Variants in LHFPL2 observed in about 807,000 individuals in gnomAD.
The protein encoded by LHFPL2 is LHFPL tetraspan subfamily member 2, also known as LHFPL tetraspan subfamily member 2 protein.
LHFPL2 carries 7 observed loss-of-function variants against 17.5 expected under a neutral mutation model. The observed-to-expected ratio is 0.40, with a 90% CI of 0.23 to 0.75. The LOEUF (loss-of-function observed/expected upper bound fraction) is 0.75. LHFPL2 is among the 30% of genes least tolerant of loss of function. LHFPL2 has a pLI of 0.37. For missense variants in LHFPL2, 241 were observed against 294.8 expected (o/e 0.82, Z 1.34); for synonymous variants, 134 against 116.2 (o/e 1.15, Z -0.99).
At chr5:78,494,623 A>G (rs1237728504) in intron 4 of LHFPL2, 2 of 488,896 alleles carry the variant, frequency 4.1e-6, no homozygotes, top group African/African-American at 2.1e-5. Flanking sequence ...AGCCTTGACA[A>G]CCTCACCGAT....
In LHFPL2 at chr5:78,584,826, C is replaced by T. The variant is rs542945520; in HGVS notation, c.-244-19955G>A. ...GTGGGCTCCACCCTGTTGGAGCTTC[C>T]TGGCTGCTCTGTTTACCTAAGCAAG... On this transcript the variant is annotated intron_variant, in intron 2 of 4. Transcript: ENST00000380345. 2.6e-4 allele frequency among the ~76,000 whole-genome samples: 40 copies of T among 152,240 alleles called. 1 individual carries two copies. Among genetic ancestry groups the T allele is most frequent in the Middle Eastern group, 6.8e-3 (2 of 294 alleles).
chr5:78,555,897 G>A (rs1487094536), intron 3 of LHFPL2, among the ~76,000 whole-genome samples: 2 of 152,342 alleles, frequency 1.3e-5, no homozygotes, highest in East Asian at 3.9e-4. Context: ...GGAGAAGCAG[G>A]TGAGAAGCAC....
chr5:78,615,342 G>T (rs1561366062), intron 2 of LHFPL2, among the ~76,000 whole-genome samples: 1 of 151,936 alleles, frequency 6.6e-6, no homozygotes, highest in East Asian at 1.9e-4. Flanking sequence ...AAAGGAAGAT[G>T]AAAAAAAGGA....
chr5:78,612,134 A>C (rs1744441764), intron 2 of LHFPL2, among the ~76,000 whole-genome samples: 1 of 152,266 alleles, frequency 6.6e-6, no homozygotes, highest in Non-Finnish European at 1.5e-5. Context: ...TAATTTGGTT[A>C]GCTGTTGGCT....
chr5:78,565,729 C>A (rs1048458643), intron 2 of LHFPL2, among the ~76,000 whole-genome samples: 7 of 152,196 alleles, frequency 4.6e-5, no homozygotes, highest in East Asian at 1.9e-4. Context: ...AAGTAGAGAA[C>A]CTTCCTCAAT....
chr5:78,517,432 T>A (rs1038346290), intron 3 of LHFPL2, among the ~76,000 whole-genome samples: 6 of 152,250 alleles, frequency 3.9e-5, no homozygotes, highest in Non-Finnish European at 7.3e-5. Context: ...CCTCCCATCC[T>A]GAGGCATCTG....
At chr5:78,637,854 G>C (rs527923372) in intron 1 of LHFPL2, among the ~76,000 whole-genome samples, 2 of 152,252 alleles carry the variant, frequency 1.3e-5, no homozygotes, top group South Asian at 4.1e-4. Flanking sequence ...AGTCAAGCTT[G>C]AGAAGCCCTC....
At chr5:78,638,128 G>A (rs1448373925) in intron 1 of LHFPL2, among the ~76,000 whole-genome samples, 1 of 152,182 alleles carries the variant, frequency 6.6e-6, no homozygotes, top group African/African-American at 2.4e-5. Context: ...GCCGAGGCAG[G>A]TGGATCACGA....
At chr5:78,571,263 T>A (rs1231635272) in intron 2 of LHFPL2, among the ~76,000 whole-genome samples, 4 of 152,182 alleles carry the variant, frequency 2.6e-5, no homozygotes. Context: ...GATGCTGCAT[T>A]CTGCAAACCT....
intron 2 of LHFPL2, among the ~76,000 whole-genome samples, chr5:78,576,974 G>GC (rs1252247770): frequency 1.3e-5 from 2 of 152,212 alleles, no homozygotes; most frequent in African/African-American, 4.8e-5. Flanking sequence ...CAAGCTAAGT[G>GC]CAGTTCTTTA....
chr5:78,602,875 G>C (rs1744068403), intron 2 of LHFPL2, among the ~76,000 whole-genome samples: 2 of 150,050 alleles, frequency 1.3e-5, no homozygotes, highest in Non-Finnish European at 3.0e-5. Flanking sequence ...AATGAGGTAG[G>C]GTTTTGTTTT....
At chr5:78,626,334 T>G (rs1038864360) in intron 2 of LHFPL2, 4 of 152,250 alleles carry the variant, frequency 2.6e-5, no homozygotes, top group Non-Finnish European at 5.9e-5. Flanking sequence ...AAAAAGCTTT[T>G]AAGAGGCACT....
At chr5:78,561,772 T>C (rs1190337684) in intron 3 of LHFPL2, among the ~76,000 whole-genome samples, 2 of 152,146 alleles carry the variant, frequency 1.3e-5, no homozygotes, top group African/African-American at 4.8e-5. Context: ...AGAAATCAGG[T>C]GAGATAGGTG....
intron 4 of LHFPL2, among the ~76,000 whole-genome samples, chr5:78,495,014 G>A (rs574429968): frequency 3.3e-5 from 5 of 152,254 alleles, no homozygotes; most frequent in Middle Eastern, 3.4e-3. Flanking sequence ...TTAAAATACT[G>A]CCCTGGAATC....
chr5:78,609,671 A>G (rs1744351668), intron 2 of LHFPL2, among the ~76,000 whole-genome samples: 3 of 152,116 alleles, frequency 2.0e-5, no homozygotes, highest in African/African-American at 4.8e-5. Context: ...ATGATCATCA[A>G]AATATGGGCA....
At chr5:78,611,822 A>T (rs769872746) in intron 2 of LHFPL2, among the ~76,000 whole-genome samples, 14 of 152,192 alleles carry the variant, frequency 9.2e-5, no homozygotes, top group Non-Finnish European at 2.1e-4. Context: ...TTTTTTACAG[A>T]AAATCTATCG....
At chr5:78,542,722 G>A (rs1490693056) in intron 3 of LHFPL2, among the ~76,000 whole-genome samples, 2 of 152,098 alleles carry the variant, frequency 1.3e-5, no homozygotes, top group Non-Finnish European at 2.9e-5. Context: ...CCACTTTGAT[G>A]GTATAGGTAC....
At chr5:78,538,206 G>T (rs558714217) in intron 3 of LHFPL2, among the ~76,000 whole-genome samples, 191 of 152,336 alleles carry the variant, frequency 1.3e-3, no homozygotes, top group Middle Eastern at 3.4e-3. Flanking sequence ...GATGTAGATT[G>T]ACAAAGTGAG....
chr5:78,490,600 ATT>A (rs1754407156), intron 4 of LHFPL2, among the ~76,000 whole-genome samples: 1 of 151,956 alleles, frequency 6.6e-6, no homozygotes, highest in African/African-American at 2.4e-5. Context: ...AAATACAAAA[ATT>A]AGCTGGGCGT....
Sources: allele counts gnomAD v4.1 joint callset (sites outside exome capture counted in the v4.1 genomes callset), GRCh38; gene constraint gnomAD v4.1.1; transcripts MANE v1.5; gene names NCBI Gene and HGNC (gene_info 2026-07-23, HGNC 2026-07-21).